UBE2E2: variants seen among roughly 807,000 people sequenced by gnomAD.
UBE2E2 encodes ubiquitin-conjugating enzyme E2 E2.
In UBE2E2, 6 loss-of-function variants were observed where a neutral mutation model predicts 24.7. The observed-to-expected ratio is 0.24, with a 90% CI of 0.13 to 0.48. The LOEUF is 0.48. Ranked by LOEUF, UBE2E2 falls within the 20% of genes least tolerant of loss-of-function variation. The pLI, the probability that UBE2E2 is intolerant of heterozygous loss-of-function variation, is 0.99. For synonymous variants in UBE2E2, 104 were observed against 83.6 expected (o/e 1.24, Z -1.33); for missense variants, 169 against 245.0 (o/e 0.69, Z 2.07).
chr3:23,562,955 T>C (rs1695971208), intron 5 of UBE2E2, among the ~76,000 whole-genome samples: 1 of 152,228 alleles, frequency 6.6e-6, no homozygotes, highest in Non-Finnish European at 1.5e-5. Context: ...TTGATTCTTC[T>C]CTCTTTTCAT....
intron 5 of UBE2E2, among the ~76,000 whole-genome samples, chr3:23,560,041 T>G (rs923449460): frequency 1.3e-5 from 2 of 152,112 alleles, no homozygotes; most frequent in Non-Finnish European, 2.9e-5. Context: ...TAGAAATATC[T>G]TTCTTTTTAT....
intron 5 of UBE2E2, among the ~76,000 whole-genome samples, chr3:23,536,020 T>A (rs1695255898): frequency 6.6e-6 from 1 of 152,210 alleles, no homozygotes; most frequent in South Asian, 2.1e-4. Flanking sequence ...AGAATACCAT[T>A]GGGGAATCAA....
At chr3:23,373,310 G>A (rs1696441244) in intron 3 of UBE2E2, among the ~76,000 whole-genome samples, 1 of 152,166 alleles carries the variant, frequency 6.6e-6, no homozygotes. Context: ...GGAATAATGA[G>A]ACACTCACTG....
At chr3:23,221,485 A>G (rs73149654) in intron 3 of UBE2E2, among the ~76,000 whole-genome samples, 6,660 of 152,178 alleles carry the variant, frequency 0.044, 495 homozygotes, top group African/African-American at 0.15. Context: ...AGCCCTCGGC[A>G]GCAATTAGTC....
Position 23,353,526 on chromosome 3 carries a change from A to G in UBE2E2, c.227+136214A>G, listed in dbSNP as rs866593655. On this transcript the variant is annotated intron_variant, in intron 3 of 5. Coordinates refer to ENST00000396703, the MANE Select transcript of UBE2E2 (RefSeq NM_152653.4). ...CAAAATCTCCTTAAGCTGATAAGCAACTTCAGCAAAGTCTCAGGATACAAA... is the reference window on the plus strand; with the variant it reads ...CAAAATCTCCTTAAGCTGATAAGCAGCTTCAGCAAAGTCTCAGGATACAAA... Among the ~76,000 whole-genome samples, 25 of 152,346 alleles carry G rather than the reference A, an allele frequency of 1.6e-4. 1 individual carries two copies. Among genetic ancestry groups the G allele is most frequent in the South Asian group, 2.1e-4 (1 of 4,830 alleles).
chr3:23,553,687 T>G (rs1343341223), intron 5 of UBE2E2, among the ~76,000 whole-genome samples: 1 of 152,084 alleles, frequency 6.6e-6, no homozygotes, highest in Non-Finnish European at 1.5e-5. Flanking sequence ...ATAAATAAAT[T>G]CAGTAAAGTT....
rs144056595 is a variant in UBE2E2 at position 23,277,378 on chromosome 3, G to T, written c.227+60066G>T. ...AAGATTTTCATTTGATAATTTGATG[G>T]TGTAGGTTTCAGGCAGTTATGATTT... On this transcript the variant is annotated intron_variant, in intron 3 of 5. Transcript: ENST00000396703. Among the ~76,000 whole-genome samples, 88 of 152,218 alleles carry T rather than the reference G, an allele frequency of 5.8e-4. 3 individuals carry two copies. In the East Asian group the frequency reaches 0.016, roughly 27 times the overall value.
intron 3 of UBE2E2, among the ~76,000 whole-genome samples, chr3:23,467,905 G>C (rs985499568): frequency 1.3e-5 from 2 of 152,172 alleles, no homozygotes; most frequent in African/African-American, 4.8e-5. Flanking sequence ...AGACAGTGAA[G>C]TGGGAGGTGC....
intron 3 of UBE2E2, among the ~76,000 whole-genome samples, chr3:23,479,163 T>C (rs1284892170): frequency 6.6e-6 from 1 of 152,146 alleles, no homozygotes; most frequent in Non-Finnish European, 1.5e-5. Context: ...CAGCTGTGCT[T>C]GACTCATGCT....
At chr3:23,534,790 A>G (rs1695212058) in intron 5 of UBE2E2, among the ~76,000 whole-genome samples, 1 of 152,196 alleles carries the variant, frequency 6.6e-6, no homozygotes, top group Admixed American at 6.5e-5. Context: ...TCTTCAAATT[A>G]TCACAAAAAC....
At chr3:23,343,706 C>T (rs988835888) in intron 3 of UBE2E2, among the ~76,000 whole-genome samples, 1 of 152,220 alleles carries the variant, frequency 6.6e-6, no homozygotes, top group Non-Finnish European at 1.5e-5. Flanking sequence ...ATTGCCAGCC[C>T]TCCTTTCCAA....
chr3:23,563,342 A>G (rs1422093001), intron 5 of UBE2E2, among the ~76,000 whole-genome samples: 1 of 152,188 alleles, frequency 6.6e-6, no homozygotes, highest in African/African-American at 2.4e-5. Context: ...GTAGTGATTC[A>G]GGAGCGGGTT....
intron 3 of UBE2E2, 115 bp from the exon 4 acceptor site, chr3:23,499,493 G>A: frequency 7.8e-7 from 1 of 1,278,986 alleles, no homozygotes; most frequent in Non-Finnish European, 1.1e-6. Flanking sequence ...AGAGTTAACT[G>A]ATTAACTTTT....
chr3:23,213,432 C>T lies in UBE2E2; in HGVS notation c.177-3830C>T, dbSNP rs142841436. Among the ~76,000 whole-genome samples the T allele has an allele frequency of 6.2e-3, 946 of 152,040 alleles. 14 individuals are homozygous for T. Among genetic ancestry groups the T allele is most frequent in the African/African-American group, 0.021 (878 of 41,472 alleles). ...CTGCTATTTTTTTTAAAGCAAATAA[C>T]AGTCCCACACAGCATTCTTATTGTA... is the stretch of plus-strand genomic sequence containing the variant. On this transcript the variant is annotated intron_variant, in intron 2 of 5. Transcript: ENST00000396703.
intron 5 of UBE2E2, among the ~76,000 whole-genome samples, chr3:23,581,150 A>G (rs909302662): frequency 1.3e-5 from 2 of 152,012 alleles, no homozygotes; most frequent in African/African-American, 4.8e-5. Flanking sequence ...AGCTCCCCAC[A>G]ATCTTGAACT....
chr3:23,256,287 AATG>A (rs1490864763), intron 3 of UBE2E2, among the ~76,000 whole-genome samples: 10 of 152,224 alleles, frequency 6.6e-5, no homozygotes, highest in Admixed American at 2.0e-4. Flanking sequence ...TTCTAATTAA[AATG>A]ATGATTGTTT....
chr3:23,382,255 C>T (rs908962118), intron 3 of UBE2E2, among the ~76,000 whole-genome samples: 2 of 139,876 alleles, frequency 1.4e-5, no homozygotes, highest in African/African-American at 5.4e-5. Flanking sequence ...AATCTCGGCT[C>T]ACCGCAGCCA....
intron 5 of UBE2E2, among the ~76,000 whole-genome samples, chr3:23,567,398 T>G (rs775020304): frequency 6.6e-6 from 1 of 152,206 alleles, no homozygotes; most frequent in Non-Finnish European, 1.5e-5. Flanking sequence ...AGGCAAGATG[T>G]CAGTAAAACA....
At chr3:23,223,808 T>C (rs1367885907) in intron 3 of UBE2E2, among the ~76,000 whole-genome samples, 1 of 152,112 alleles carries the variant, frequency 6.6e-6, no homozygotes, top group Non-Finnish European at 1.5e-5. Flanking sequence ...TCCATTTTGG[T>C]TTGATTTTTT....
Sources: gnomAD v4.1 joint callset for allele counts (sites outside exome capture counted in the v4.1 genomes callset) on GRCh38, gnomAD v4.1.1 for gene constraint, MANE v1.5 for transcripts, NCBI Gene and HGNC (gene_info 2026-07-23, HGNC 2026-07-21) for gene names.